Variants in LHFPL2 observed in about 807,000 individuals in gnomAD.
The protein encoded by LHFPL2 is LHFPL tetraspan subfamily member 2 protein.
In LHFPL2, 7 loss-of-function variants were observed where a neutral mutation model predicts 17.5. The ratio of observed to expected loss-of-function variants is 0.40; its 90% CI spans 0.23 to 0.75. The LOEUF (loss-of-function observed/expected upper bound fraction) is 0.75. Ranked by LOEUF, LHFPL2 falls within the 30% of genes least tolerant of loss-of-function variation. The pLI is 0.37. For synonymous variants in LHFPL2, 134 were observed against 116.2 expected, an observed-to-expected ratio of 1.15 and a Z score of -0.99; for missense variants, 241 against 294.8, an observed-to-expected ratio of 0.82 and a Z score of 1.34.
At chr5:78,641,337 G>T (rs1245146340) in intron 1 of LHFPL2, among the ~76,000 whole-genome samples, 1 of 152,184 alleles carries the variant, frequency 6.6e-6, no homozygotes, top group Non-Finnish European at 1.5e-5. Flanking sequence ...AGACAACCTG[G>T]TTACGTCTAG....
chr5:78,543,360 C>T (rs745877063), intron 3 of LHFPL2, among the ~76,000 whole-genome samples: 1 of 152,200 alleles, frequency 6.6e-6, no homozygotes, highest in Non-Finnish European at 1.5e-5. Flanking sequence ...CCTTGATTTC[C>T]TCAGTGAGAC....
intron 3 of LHFPL2, among the ~76,000 whole-genome samples, chr5:78,511,970 A>C (rs1483729477): frequency 6.6e-6 from 1 of 152,154 alleles, no homozygotes; most frequent in African/African-American, 2.4e-5. Flanking sequence ...ATGGATGCCT[A>C]ACTTCTCAGA....
intron 2 of LHFPL2, among the ~76,000 whole-genome samples, chr5:78,604,275 C>T (rs980459267): frequency 6.6e-6 from 1 of 151,926 alleles, no homozygotes; most frequent in African/African-American, 2.4e-5. Context: ...GTCAGAAGTT[C>T]GACACCAGCC....
chr5:78,514,550 C>T (rs1032817703), intron 3 of LHFPL2, among the ~76,000 whole-genome samples: 2 of 152,148 alleles, frequency 1.3e-5, no homozygotes, highest in Non-Finnish European at 2.9e-5. Flanking sequence ...TCACTTAGAT[C>T]CCGGATCTGT....
chr5:78,522,748 T>C lies in LHFPL2; in HGVS notation c.-185-12350A>G, dbSNP rs919748014. On this transcript the variant is annotated intron_variant, in intron 3 of 4. Coordinates refer to ENST00000380345, the MANE Select transcript of LHFPL2 (RefSeq NM_005779.3). Reference sequence around the variant, plus strand: ...ACTTATTAACACTGGAATCAGGAAATACACAGATATAATAAAGACCTGAGC... The same window carrying C: ...ACTTATTAACACTGGAATCAGGAAACACACAGATATAATAAAGACCTGAGC... Among the ~76,000 whole-genome samples, 84 of 152,234 alleles carry C rather than the reference T, an allele frequency of 5.5e-4. 1 individual carries two copies. Among genetic ancestry groups the C allele is most frequent in the African/African-American group, 1.9e-3 (80 of 41,520 alleles).
At chr5:78,638,258 G>T (rs143564983) in intron 1 of LHFPL2, among the ~76,000 whole-genome samples, 1 of 152,304 alleles carries the variant, frequency 6.6e-6, no homozygotes, top group Non-Finnish European at 1.5e-5. Context: ...GGGAGGCTGA[G>T]GCAGGAGAAT....
At chr5:78,570,024 A>C (rs1756955129) in intron 2 of LHFPL2, among the ~76,000 whole-genome samples, 1 of 152,114 alleles carries the variant, frequency 6.6e-6, no homozygotes. Flanking sequence ...TGTTATTCCC[A>C]CACTGCTGGG....
chr5:78,568,721 C>T (rs567564817), intron 2 of LHFPL2, among the ~76,000 whole-genome samples: 1 of 152,236 alleles, frequency 6.6e-6, no homozygotes, highest in South Asian at 2.1e-4. Context: ...GTCAGGATCA[C>T]AGAGGCCACA....
chr5:78,610,812 A>G (rs1170359394), intron 2 of LHFPL2, among the ~76,000 whole-genome samples: 2 of 151,866 alleles, frequency 1.3e-5, no homozygotes, highest in Admixed American at 1.3e-4. Context: ...TTACTGAATC[A>G]TTGCTGATCC....
intron 3 of LHFPL2, among the ~76,000 whole-genome samples, chr5:78,517,255 C>T (rs1404954935): frequency 1.3e-5 from 2 of 152,200 alleles, no homozygotes; most frequent in Non-Finnish European, 2.9e-5. Context: ...TTTCTCTGGG[C>T]ATGGGATCCC....
At chr5:78,599,906 A>G (rs1009958345) in intron 2 of LHFPL2, among the ~76,000 whole-genome samples, 4 of 152,172 alleles carry the variant, frequency 2.6e-5, no homozygotes, top group Admixed American at 2.0e-4. Flanking sequence ...ACCTGAAAAG[A>G]CAAATTTTTG....
At chr5:78,618,427 G>A (rs369319559) in intron 2 of LHFPL2, among the ~76,000 whole-genome samples, 40 of 152,308 alleles carry the variant, frequency 2.6e-4, no homozygotes, top group African/African-American at 9.6e-4. Context: ...TCGGTCACAG[G>A]CAGCATTCGG....
intron 1 of LHFPL2, among the ~76,000 whole-genome samples, chr5:78,641,662 AC>A (rs1462833336): frequency 6.6e-6 from 1 of 152,192 alleles, no homozygotes; most frequent in African/African-American, 2.4e-5. Context: ...GTCAGAACAA[AC>A]CCAGAAGAAA....
chr5:78,571,857 T>A lies in LHFPL2; in HGVS notation c.-244-6986A>T, dbSNP rs541213342. Among the ~76,000 whole-genome samples, 113 of 152,332 alleles carry A rather than the reference T, an allele frequency of 7.4e-4. 1 individual carries two copies. In the South Asian group the frequency reaches 0.013, roughly 18 times the overall value. On this transcript the variant is annotated intron_variant, in intron 2 of 4. Transcript: ENST00000380345. ...AGGTAAGTACAGAAATAGATCTGAA[T>A]TTTTAAGTTAGTTGTCTATCCACTA...
chr5:78,543,361 T>C (rs1378305316), intron 3 of LHFPL2, among the ~76,000 whole-genome samples: 2 of 152,196 alleles, frequency 1.3e-5, no homozygotes, highest in East Asian at 3.9e-4. Context: ...CTTGATTTCC[T>C]CAGTGAGACA....
In LHFPL2 at chr5:78,510,052, C is replaced by T. The variant is rs1442925253; in HGVS notation, c.162G>A (p.Pro54=). ...TGCCCAGGGTGGGGTGGTAGGGCTC[C>T]GGGGAGCCCCCGCCCGGGCCCGCCG... is the stretch of plus-strand genomic sequence containing the variant. ...VEPAGPGGGS[P]EPYHPTLGIY... The change falls in exon 4 of 5, where the codon CCG becomes CCA. Residue 54 remains proline (P), a synonymous_variant. Transcript: ENST00000380345. 24 of 1,608,018 alleles carry T rather than the reference C, an allele frequency of 1.5e-5. No individual in the cohort carries two copies. Among genetic ancestry groups the T allele is most frequent in the Admixed American group, 3.4e-5 (2 of 59,408 alleles).
intron 2 of LHFPL2, among the ~76,000 whole-genome samples, chr5:78,586,881 A>G (rs1743428558): frequency 6.6e-6 from 1 of 152,238 alleles, no homozygotes; most frequent in South Asian, 2.1e-4. Flanking sequence ...TTCTTTTTAT[A>G]TATACCAACA....
At chr5:78,515,337 T>C (rs1273994495) in intron 3 of LHFPL2, among the ~76,000 whole-genome samples, 1 of 152,200 alleles carries the variant, frequency 6.6e-6, no homozygotes, top group Non-Finnish European at 1.5e-5. Flanking sequence ...TACAAAATAC[T>C]TGACAATCTG....
intron 2 of LHFPL2, among the ~76,000 whole-genome samples, chr5:78,628,010 A>G (rs1246706851): frequency 6.6e-6 from 1 of 152,138 alleles, no homozygotes; most frequent in Non-Finnish European, 1.5e-5. Flanking sequence ...CAGGACTTAT[A>G]GCAACTAACC....
Sources: gnomAD v4.1 joint callset for allele counts (sites outside exome capture counted in the v4.1 genomes callset) on GRCh38, gnomAD v4.1.1 for gene constraint, MANE v1.5 for transcripts, NCBI Gene and HGNC (gene_info 2026-07-23, HGNC 2026-07-21) for gene names.